The following PSMA1 variants were observed in gnomAD, a reference collection of about 807,000 sequenced individuals.
The protein encoded by PSMA1 is proteasome 20S subunit alpha 1, also known as proteasome subunit alpha type-1.
A neutral mutation model predicts 38.4 loss-of-function variants in PSMA1; 3 were observed. That is an observed-to-expected ratio of 0.08 (90% CI 0.04 to 0.20). The LOEUF (loss-of-function observed/expected upper bound fraction) is 0.20. Among genes scored for constraint, PSMA1 ranks in the 10% least tolerant of loss-of-function variants. PSMA1 has a pLI of 1.00. For missense variants in PSMA1, 227 were observed against 325.3 expected, an observed-to-expected ratio of 0.70 and a Z score of 2.32; for synonymous variants, 101 against 107.1, an observed-to-expected ratio of 0.94 and a Z score of 0.35.
At chr11:14,628,614 C>T (rs1456729358) in intron 1 of PSMA1, among the ~76,000 whole-genome samples, 3 of 149,312 alleles carry the variant, frequency 2.0e-5, no homozygotes, top group Middle Eastern at 3.4e-3. Context: ...GCGAATAATG[C>T]CGCAATAAAC....
chr11:14,579,586 T>C (rs956311183), intron 2 of PSMA1, among the ~76,000 whole-genome samples: 6 of 149,602 alleles, frequency 4.0e-5, no homozygotes, highest in Non-Finnish European at 7.4e-5. Context: ...CGACCAACTA[T>C]AAGAGGTGTC....
Position 14,513,693 on chromosome 11 carries a change from C to T in PSMA1, c.421G>A (p.Gly141Ser). The change falls in exon 7 of 10, where the codon GGC becomes AGC. Residue 141 changes from glycine to serine, a missense_variant. Coordinates refer to ENST00000396394, the MANE Select transcript of PSMA1 (RefSeq NM_002786.4). ...GLLIAGYDDM[G>S]PHIFQTCPSA... ...GGACAGGTTTGGAAAATGTGAGGGC[C>T]CATATCCTACAAATAGAAATAAATA... The T allele has an allele frequency of 6.3e-7, 1 of 1,576,274 alleles. No homozygotes were observed. Among genetic ancestry groups the T allele is most frequent in the Non-Finnish European group, 8.6e-7 (1 of 1,168,000 alleles).
intron 2 of PSMA1, among the ~76,000 whole-genome samples, chr11:14,582,788 C>T (rs1852298585): frequency 6.6e-6 from 1 of 151,694 alleles, no homozygotes; most frequent in Non-Finnish European, 1.5e-5. Flanking sequence ...ATCTCGGCTT[C>T]CCAAAGTGTT....
intron 2 of PSMA1, among the ~76,000 whole-genome samples, chr11:14,548,711 G>T (rs1851853984): frequency 6.6e-6 from 1 of 152,180 alleles, no homozygotes; most frequent in Admixed American, 6.5e-5. Flanking sequence ...CATACATCAT[G>T]TGGATAGACA....
intron 2 of PSMA1, among the ~76,000 whole-genome samples, chr11:14,605,547 C>T (rs11023270): frequency 2.0e-5 from 3 of 152,028 alleles, no homozygotes; most frequent in East Asian, 1.9e-4. Context: ...CCATGCCTGG[C>T]GCTAACTTTG....
intron 2 of PSMA1, among the ~76,000 whole-genome samples, chr11:14,599,529 T>C (rs1162847382): frequency 6.6e-6 from 1 of 152,242 alleles, no homozygotes; most frequent in Admixed American, 6.5e-5. Context: ...CTTGATCACA[T>C]TGGCTATTGA....
At chr11:14,569,038 C>G (rs1402788037) in intron 2 of PSMA1, among the ~76,000 whole-genome samples, 1 of 152,162 alleles carries the variant, frequency 6.6e-6, no homozygotes, top group Non-Finnish European at 1.5e-5. Context: ...CTCTGACATG[C>G]CCTGGAGACA....
intron 2 of PSMA1, among the ~76,000 whole-genome samples, chr11:14,526,261 A>G (rs146492145): frequency 4.3e-4 from 66 of 152,278 alleles, no homozygotes; most frequent in Admixed American, 1.0e-3. Flanking sequence ...TAGATCCTAA[A>G]TCCTTTCCCC....
At chr11:14,599,446 C>CT (rs1157129881) in intron 2 of PSMA1, among the ~76,000 whole-genome samples, 2 of 152,108 alleles carry the variant, frequency 1.3e-5, no homozygotes, top group Non-Finnish European at 2.9e-5. Flanking sequence ...TCTTTTTACT[C>CT]TTTTTTCTCT....
intron 2 of PSMA1, among the ~76,000 whole-genome samples, chr11:14,589,413 G>GTA (rs202179177): frequency 0.016 from 2,460 of 150,020 alleles, 52 homozygotes; most frequent in African/African-American, 0.053. Flanking sequence ...ATATATATGT[G>GTA]TATATATATG....
intron 2 of PSMA1, among the ~76,000 whole-genome samples, chr11:14,552,683 A>AGCAAAACTTGATGACTT (rs1851899083): frequency 6.6e-6 from 1 of 152,204 alleles, no homozygotes; most frequent in Non-Finnish European, 1.5e-5. Context: ...GTTTTGCAAG[A>AGCAAAACTTGATGACTT]GCAAAACTTG....
At chr11:14,619,371 C>T (rs1041006347) in intron 1 of PSMA1, among the ~76,000 whole-genome samples, 2 of 151,836 alleles carry the variant, frequency 1.3e-5, no homozygotes, top group African/African-American at 2.4e-5. Context: ...GCCAGGAGAT[C>T]GACACTTCAG....
intron 2 of PSMA1, among the ~76,000 whole-genome samples, chr11:14,561,563 C>G (rs1852007987): frequency 6.6e-6 from 1 of 152,152 alleles, no homozygotes; most frequent in Non-Finnish European, 1.5e-5. Context: ...TATAATTCTT[C>G]TCAAATCTCT....
At chr11:14,599,800 T>G (rs1852556234) in intron 2 of PSMA1, among the ~76,000 whole-genome samples, 1 of 152,214 alleles carries the variant, frequency 6.6e-6, no homozygotes, top group African/African-American at 2.4e-5. Context: ...GGAGCTGTGT[T>G]CCTTTGGAGG....
chr11:14,548,745 C>T (rs530287189), intron 2 of PSMA1, among the ~76,000 whole-genome samples: 9 of 152,252 alleles, frequency 5.9e-5, no homozygotes, highest in African/African-American at 2.2e-4. Flanking sequence ...TAACCAAGAA[C>T]ATAAATAAAT....
intron 2 of PSMA1, among the ~76,000 whole-genome samples, chr11:14,551,605 T>C (rs1489590659): frequency 2.0e-5 from 3 of 152,174 alleles, no homozygotes; most frequent in Admixed American, 2.0e-4. Context: ...ATTTGGGAGA[T>C]CATAGCCAAT....
At chr11:14,581,371 C>G (rs1056363572) in intron 2 of PSMA1, among the ~76,000 whole-genome samples, 4 of 152,130 alleles carry the variant, frequency 2.6e-5, no homozygotes, top group Non-Finnish European at 5.9e-5. Context: ...AGGTCTAAAA[C>G]CAAAGTGTAC....
chr11:14,608,216 T>C lies in PSMA1; in HGVS notation c.21+2750A>G, dbSNP rs575092987. The stretch of plus-strand genomic sequence containing the variant: ...AAATTTAAAAATTGGCCAAGCTTGC[T>C]GGCATGTGCCTGTAGTTCCAGCTGC... On this transcript the variant is annotated intron_variant, in intron 2 of 10. Transcript: ENST00000418988. 2.0e-4 allele frequency among the ~76,000 whole-genome samples: 31 copies of C among 152,214 alleles called. No individual in the cohort carries two copies. In the South Asian group the frequency reaches 6.2e-3, roughly 31 times the overall value.
chr11:14,521,814 T>C (rs1333579340), upstream of PSMA1, among the ~76,000 whole-genome samples: 2 of 151,772 alleles, frequency 1.3e-5, no homozygotes, highest in African/African-American at 4.8e-5. Context: ...TCCAGAAATG[T>C]TTTACCAACA....
Sources: allele counts gnomAD v4.1 joint callset (sites outside exome capture counted in the v4.1 genomes callset), GRCh38; gene constraint gnomAD v4.1.1; transcripts MANE v1.5; gene names NCBI Gene and HGNC (gene_info 2026-07-23, HGNC 2026-07-21).